Variants in KLRF2 observed in about 807,000 individuals in gnomAD.
The protein encoded by KLRF2 is killer cell lectin like receptor F2.
Under a neutral mutation model 25.3 loss-of-function variants are expected in KLRF2, and 28 were observed. The ratio of observed to expected loss-of-function variants is 1.11; its 90% CI spans 0.82 to 1.52. KLRF2 has a LOEUF of 1.52. KLRF2 is among the 40% of genes most tolerant of loss of function. The probability of loss-of-function intolerance (pLI) is 0.00; values close to 1 mark genes in which losing one functional copy is unlikely to be tolerated. For missense variants in KLRF2, 265 were observed against 245.8 expected (o/e 1.08, Z -0.52); for synonymous variants, 73 against 85.0 (o/e 0.86, Z 0.78).
chr12:9,882,168 T>C (rs1368272540), intron 1 of KLRF2, among the ~76,000 whole-genome samples: 5 of 152,294 alleles, frequency 3.3e-5, no homozygotes, highest in South Asian at 4.1e-4. Flanking sequence ...GTTGGCTTTG[T>C]TTGCTTTTTC....
chr12:9,893,638 T>C lies in KLRF2; in HGVS notation c.479+97T>C, dbSNP rs1225973696. The stretch of plus-strand genomic sequence containing the variant: ...CCATTCTTTTTTCCTTCTTTCTCTG[T>C]TTTCCCTTATCTTTACATTTTTTTC... On this transcript the variant is annotated intron_variant, in intron 5 of 5. Transcript: ENST00000535540. 4 of 471,586 alleles carry C rather than the reference T, an allele frequency of 8.5e-6. No homozygotes were observed. The East Asian group carries it at 1.3e-4, about 16-fold the overall frequency. 29.2% of individuals were successfully genotyped at this position (471,586 alleles called of 1,614,324 possible).
chr12:9,881,907 T>C (rs548656269), intron 1 of KLRF2, among the ~76,000 whole-genome samples: 83 of 152,254 alleles, frequency 5.5e-4, no homozygotes, highest in African/African-American at 1.6e-3. Flanking sequence ...TGTTGTAGCA[T>C]AAGAACATCA....
intron 5 of KLRF2, among the ~76,000 whole-genome samples, chr12:9,893,843 A>C (rs574799576): frequency 6.6e-6 from 1 of 152,120 alleles, no homozygotes; most frequent in African/African-American, 2.4e-5. Flanking sequence ...AGCTGATTTA[A>C]ATCTCATTTG....
At chr12:9,884,539 A>G (rs992387588) in intron 1 of KLRF2, among the ~76,000 whole-genome samples, 3 of 149,894 alleles carry the variant, frequency 2.0e-5, no homozygotes, top group African/African-American at 4.9e-5. Flanking sequence ...TACATTTTAT[A>G]TATTATTCTT....
intron 1 of KLRF2, among the ~76,000 whole-genome samples, chr12:9,884,396 T>C (rs1261976536): frequency 6.6e-6 from 1 of 151,782 alleles, no homozygotes; most frequent in Non-Finnish European, 1.5e-5. Flanking sequence ...TAAGGTGAAA[T>C]AAAATGTGGA....
At chr12:9,890,180 G>A (rs961609093) in intron 3 of KLRF2, among the ~76,000 whole-genome samples, 8 of 152,046 alleles carry the variant, frequency 5.3e-5, no homozygotes, top group Non-Finnish European at 8.8e-5. Context: ...CTAAAGGCTC[G>A]TTTTGCTTAA....
At chr12:9,885,245 A>G (rs1418625965) in intron 2 of KLRF2, among the ~76,000 whole-genome samples, 1 of 151,718 alleles carries the variant, frequency 6.6e-6, no homozygotes, top group Non-Finnish European at 1.5e-5. Context: ...ATAGAGGTTG[A>G]CTTTATTATC....
At chr12:9,888,054 C>CAAA (rs59382110) in intron 2 of KLRF2, among the ~76,000 whole-genome samples, 5 of 65,526 alleles carry the variant, frequency 7.6e-5, no homozygotes, top group South Asian at 5.7e-4. Flanking sequence ...GACCCTGTGT[C>CAAA]AAAAAAAAAA....
chr12:9,895,333 G>A (rs1296473245), intron 5 of KLRF2, among the ~76,000 whole-genome samples: 2 of 152,220 alleles, frequency 1.3e-5, no homozygotes, highest in African/African-American at 4.8e-5. Context: ...TATGGCTAGA[G>A]ATAAGGGAGA....
chr12:9,890,128 T>C (rs1430615341), intron 3 of KLRF2, among the ~76,000 whole-genome samples: 1 of 152,212 alleles, frequency 6.6e-6, no homozygotes, highest in African/African-American at 2.4e-5. Context: ...CTAGATATTA[T>C]ACCATTGAAT....
intron 5 of KLRF2, among the ~76,000 whole-genome samples, chr12:9,894,067 TTCTTTC>T (rs1313134937): frequency 4.6e-5 from 7 of 151,898 alleles, no homozygotes; most frequent in Admixed American, 4.6e-4. Flanking sequence ...TTTCTCTTTT[TTCTTTC>T]TCTTTCTCTC....
At chr12:9,893,373 A>C in intron 4 of KLRF2, 56 bp from the exon 5 acceptor site, 1 of 894,154 alleles carries the variant, frequency 1.1e-6, no homozygotes, top group Non-Finnish European at 1.7e-6. Context: ...ACACTATAGA[A>C]GGCATCAAAA....
chr12:9,885,606 G>A (rs7308929), intron 2 of KLRF2, among the ~76,000 whole-genome samples: 21,252 of 151,804 alleles, frequency 0.14, 2,462 homozygotes, highest in East Asian at 0.34. Context: ...CTTCTGTAGC[G>A]TAGAAGATCC....
chr12:9,888,808 T>C, intron 3 of KLRF2, 28 bp downstream of exon 3: 2 of 1,383,820 alleles, frequency 1.4e-6, no homozygotes, highest in Non-Finnish European at 2.0e-6. Flanking sequence ...TGTTATGTGC[T>C]ACTCTTAGGG....
chr12:9,881,669 G>A lies in KLRF2; in HGVS notation c.70+4G>A, dbSNP rs768516596. ...AAATCGAAGCAGAAATCTAAAGGTA[G>A]GAATACTGCTCCCCATCACCGCATT... On this transcript the variant is annotated splice_donor_region_variant and intron_variant, in intron 1 of 5. Transcript: ENST00000535540. The A allele has an allele frequency of 2.0e-6, 3 of 1,530,378 alleles. No individual in the cohort carries two copies. Among genetic ancestry groups the A allele is most frequent in the Non-Finnish European group, 1.8e-6 (2 of 1,141,984 alleles). The allele number at this position is 1,530,378 out of a possible 1,614,324, so 94.8% of individuals were successfully genotyped here.
chr12:9,885,460 C>A (rs1862584174), intron 2 of KLRF2, among the ~76,000 whole-genome samples: 1 of 151,724 alleles, frequency 6.6e-6, no homozygotes, highest in Non-Finnish European at 1.5e-5. Context: ...CAAAGAAATT[C>A]ATTATCTTTG....
intron 2 of KLRF2, 112 bp from the exon 3 acceptor site, chr12:9,888,619 ACT>A (rs1862634917): frequency 1.7e-6 from 1 of 591,580 alleles, no homozygotes; most frequent in African/African-American, 1.8e-5. Flanking sequence ...GAGAAGAGAA[ACT>A]CACAATTTTT....
At chr12:9,893,265 C>T (rs2137004186) in intron 4 of KLRF2, 97 bp downstream of exon 4, 4 of 1,176,388 alleles carry the variant, frequency 3.4e-6, no homozygotes, top group Non-Finnish European at 4.7e-6. Context: ...GTCGTTGCTT[C>T]TGAACATGTG....
chr12:9,890,133 T>C (rs369451617), intron 3 of KLRF2, among the ~76,000 whole-genome samples: 3 of 152,178 alleles, frequency 2.0e-5, no homozygotes, highest in Non-Finnish European at 2.9e-5. Flanking sequence ...TATTATACCA[T>C]TGAATATTTA....
Sources: gnomAD v4.1 joint callset for allele counts (sites outside exome capture counted in the v4.1 genomes callset) on GRCh38, gnomAD v4.1.1 for gene constraint, MANE v1.5 for transcripts, NCBI Gene and HGNC (gene_info 2026-07-23, HGNC 2026-07-21) for gene names.